Variants in DMAC2L observed in about 807,000 individuals in gnomAD.
The protein encoded by DMAC2L is ATP synthase subunit s, mitochondrial.
Under a neutral mutation model 22.5 loss-of-function variants are expected in DMAC2L, and 21 were observed. The observed-to-expected ratio is 0.93, with a 90% CI of 0.66 to 1.34. The LOEUF (loss-of-function observed/expected upper bound fraction) is 1.34. Among genes scored for constraint, DMAC2L ranks in the 40% most tolerant of loss-of-function variants. DMAC2L has a pLI of 0.00. For synonymous variants in DMAC2L, 86 were observed against 89.5 expected (o/e 0.96, Z 0.22); for missense variants, 239 against 246.5 (o/e 0.97, Z 0.20).
At chr14:50,321,397 G>A in intron 2 of DMAC2L, 86 bp from the exon 3 acceptor site, 1 of 1,551,782 alleles carries the variant, frequency 6.4e-7, no homozygotes, top group Non-Finnish European at 8.7e-7. Flanking sequence ...AGCTTTATCA[G>A]TACAAGAGCA....
chr14:50,323,390 CTTTT>C (rs10609243), intron 4 of DMAC2L, among the ~76,000 whole-genome samples: 46,631 of 92,288 alleles, frequency 0.51, 10,932 homozygotes, highest in East Asian at 0.58. Flanking sequence ...CACCCGGCCT[CTTTT>C]TTTTTTTTTT....
chr14:50,321,397 G>C, intron 2 of DMAC2L, 86 bp from the exon 3 acceptor site: 2 of 1,551,784 alleles, frequency 1.3e-6, no homozygotes, highest in Admixed American at 1.9e-5. Context: ...AGCTTTATCA[G>C]TACAAGAGCA....
upstream of DMAC2L, chr14:50,311,988 G>C: frequency 6.4e-7 from 1 of 1,550,574 alleles, no homozygotes; most frequent in Non-Finnish European, 8.7e-7. Flanking sequence ...CGCAGGCGGC[G>C]GGGAGGACCA....
chr14:50,315,682 AAAAAAAAG>A (rs1279367043), intron 2 of DMAC2L, among the ~76,000 whole-genome samples: 2 of 151,598 alleles, frequency 1.3e-5, no homozygotes, highest in African/African-American at 4.8e-5. Flanking sequence ...AAAAAAAAAA[AAAAAAAAG>A]AGTAATAAAT....
rs139958711 is a variant in DMAC2L, at chr14:50,322,572, C to T, written c.169C>T (p.Arg57Cys). The change falls in exon 4 of 6, where the codon CGC (arginine) becomes TGC (cysteine). Residue 57 changes from arginine (R) to cysteine (C), a missense_variant. Arg to Cys is a radical substitution (Grantham distance 180, BLOSUM62 -3). Coordinates refer to ENST00000557421, the MANE Select transcript of DMAC2L (RefSeq NM_001382507.1). ...PDRAASEWLL[R>C]CGAMVRYHGQ... Reference sequence around the variant, plus strand: ...CAGGGCGGCATCCGAGTGGTTGCTGCGCTGTGGGGCCATGGTGCGCTACCA... The same window carrying T: ...CAGGGCGGCATCCGAGTGGTTGCTGTGCTGTGGGGCCATGGTGCGCTACCA... The T allele has an allele frequency of 4.8e-5, 77 of 1,614,130 alleles. No homozygotes were observed. The African/African-American group carries it at 6.3e-4, about 13-fold the overall frequency.
chr14:50,326,399 G>A lies in DMAC2L; in HGVS notation c.*676G>A. 1.1e-6 allele frequency: 1 copy of A among 950,684 alleles called. No homozygotes were observed. Among genetic ancestry groups the A allele is most frequent in the Non-Finnish European group, 1.3e-6 (1 of 798,466 alleles). 58.9% of individuals were successfully genotyped at this position (950,684 alleles called of 1,614,324 possible). Reference sequence around the variant, plus strand: ...TAATTTACATTTAACTTTAAAGTTAGTGAAGCATACTACCATAAATGCACA... The same window carrying A: ...TAATTTACATTTAACTTTAAAGTTAATGAAGCATACTACCATAAATGCACA... On this transcript the variant is annotated 3_prime_UTR_variant, in exon 6 of 6. Coordinates refer to ENST00000557421, the MANE Select transcript of DMAC2L (RefSeq NM_001382507.1).
At position 50,325,630 on chromosome 14, in the gene DMAC2L, A is replaced by C. The variant is rs1456903675; in HGVS notation, c.510A>C (p.Leu170Phe). ...GCAGAAACCTCAAATATTTGTTGTT[A>C]AGTGATCTTCCTGGAGTAAGAGAAA... is the stretch of plus-strand genomic sequence containing the variant. ...RHLRNLKYLLLSDLPGVREKE... is the reference protein window; with the variant it reads ...RHLRNLKYLLFSDLPGVREKE... The change falls in exon 6 of 6, where the codon TTA becomes TTC. Residue 170 changes from leucine (L) to phenylalanine (F), a missense_variant. Coordinates refer to ENST00000557421, the MANE Select transcript of DMAC2L (RefSeq NM_001382507.1). 6.2e-7 allele frequency: 1 copy of C among 1,611,096 alleles called. No individual in the cohort carries two copies.
rs184884682 is a variant in DMAC2L at position 50,315,977 on chromosome 14, T to C, written c.-6+1351T>C. 3.8e-4 allele frequency among the ~76,000 whole-genome samples: 58 copies of C among 152,310 alleles called. 1 individual carries two copies. The East Asian group carries it at 0.011, about 28-fold the overall frequency. On this transcript the variant is annotated intron_variant, in intron 2 of 5. Transcript: ENST00000557421. ...GTTCTAATTTTAGTTATTTAAGGAA[T>C]CTCCACACTGTTTTCCATAGTGGTT...
In DMAC2L at chr14:50,322,511, G is replaced by T; in HGVS notation, c.108G>T (p.Lys36Asn). The T allele has an allele frequency of 6.3e-7, 1 of 1,597,374 alleles. No individual in the cohort carries two copies. The highest frequency in any genetic ancestry group is 2.3e-5 in the East Asian group (1 of 44,440). The change falls in exon 4 of 6, where the codon AAG becomes AAT. Residue 36 changes from lysine to asparagine, a missense_variant and splice_region_variant. Coordinates refer to ENST00000557421, the MANE Select transcript of DMAC2L (RefSeq NM_001382507.1). Reference sequence around the variant, plus strand: ...ACTGCTTTTTTTCTCTTGCCAACAGGGTGGATTATGATCGCATCAGGGATG... The same window carrying T: ...ACTGCTTTTTTTCTCTTGCCAACAGTGTGGATTATGATCGCATCAGGGATG... Reference protein sequence around the residue: ...FWGWLNAVFNKVDYDRIRDVG... With the variant: ...FWGWLNAVFNNVDYDRIRDVG...
At chr14:50,315,402 G>A (rs1307636722) in intron 2 of DMAC2L, among the ~76,000 whole-genome samples, 6 of 151,268 alleles carry the variant, frequency 4.0e-5, no homozygotes, top group Non-Finnish European at 8.8e-5. Flanking sequence ...AGTGGCTCAC[G>A]CCTGTAATCC....
Position 50,322,695 on chromosome 14 carries a change from A to G in DMAC2L, c.292A>G (p.Met98Val), listed in dbSNP as rs969108443. The change falls in exon 4 of 6, where the codon ATG becomes GTG. Residue 98 changes from methionine (M) to valine (V), a missense_variant. By Grantham distance (21) the Met-to-Val change is conservative (BLOSUM62 1). Transcript: ENST00000557421. ...GATCGACGCCACCGACTCTTGTATC[A>G]TGAGCATTGGATTTGATCACATGGG... Reference protein sequence around the residue: ...QAIDATDSCIMSIGFDHMEGL... With the variant: ...QAIDATDSCIVSIGFDHMEGL... 68 of 1,614,092 alleles carry G rather than the reference A, an allele frequency of 4.2e-5. No individual in the cohort carries two copies. The highest frequency in any genetic ancestry group is 5.8e-5 in the Non-Finnish European group (68 of 1,180,048).
rs375971812 is a variant in DMAC2L, at chr14:50,326,301, A to G, written c.*578A>G. 36 of 498,818 alleles carry G rather than the reference A, an allele frequency of 7.2e-5. No individual in the cohort carries two copies. Among genetic ancestry groups the G allele is most frequent in the African/African-American group, 6.3e-4 (30 of 47,892 alleles). The allele number at this position is 498,818 out of a possible 1,614,324, so 30.9% of individuals were successfully genotyped here. A position where few individuals can be genotyped will look rare whatever the true frequency, so the allele number is the denominator to read the frequency against. On this transcript the variant is annotated 3_prime_UTR_variant, in exon 6 of 6. Transcript: ENST00000557421. Reference sequence around the variant, plus strand: ...ATATATTCATTTAATATGTAAATCTATAGATATCTCTTGATGTAGATATTT... The same window carrying G: ...ATATATTCATTTAATATGTAAATCTGTAGATATCTCTTGATGTAGATATTT...
intron 1 of DMAC2L, chr14:50,312,782 C>T: frequency 1.9e-6 from 1 of 527,400 alleles, no homozygotes; most frequent in Non-Finnish European, 3.4e-6. Flanking sequence ...CCCTAATCCT[C>T]GCTCCTCACG....
chr14:50,322,601 C>G lies in DMAC2L; in HGVS notation c.198C>G (p.Gly66=). ...LRCGAMVRYH[G]QERWQKDYNH... Reference sequence around the variant, plus strand: ...GTGGGGCCATGGTGCGCTACCATGGCCAGGAGAGGTGGCAGAAGGACTACA... The same window carrying G: ...GTGGGGCCATGGTGCGCTACCATGGGCAGGAGAGGTGGCAGAAGGACTACA... Residue 66 remains glycine (G), a synonymous_variant, in exon 4 of 6, where the codon GGC becomes GGG. Transcript: ENST00000557421. The G allele has an allele frequency of 6.2e-7, 1 of 1,614,076 alleles. No homozygotes were observed. The highest frequency in any genetic ancestry group is 1.6e-4 in the Middle Eastern group (1 of 6,062).
chr14:50,321,364 T>A, intron 2 of DMAC2L, 119 bp from the exon 3 acceptor site: 6 of 1,405,932 alleles, frequency 4.3e-6, no homozygotes, highest in South Asian at 1.7e-5. Flanking sequence ...GCTCAGTAAT[T>A]GTTGAGTGGC....
intron 4 of DMAC2L, chr14:50,323,105 A>G: frequency 1.3e-6 from 1 of 760,884 alleles, no homozygotes; most frequent in Non-Finnish European, 1.5e-6. Context: ...TTTTTTTTTG[A>G]GACAGAGTCT....
intron 2 of DMAC2L, among the ~76,000 whole-genome samples, chr14:50,318,460 A>G (rs2031997315): frequency 6.6e-6 from 1 of 152,262 alleles, no homozygotes; most frequent in Non-Finnish European, 1.5e-5. Context: ...ATGGGCCAAA[A>G]TGAATCAAGC....
chr14:50,316,156 AT>A (rs1235879641), intron 2 of DMAC2L, among the ~76,000 whole-genome samples: 4 of 152,066 alleles, frequency 2.6e-5, no homozygotes, highest in Middle Eastern at 3.4e-3. Flanking sequence ...TTTCCTGATG[AT>A]TAGTGATGTT....
At chr14:50,318,795 C>G (rs1436688712) in intron 2 of DMAC2L, among the ~76,000 whole-genome samples, 2 of 152,154 alleles carry the variant, frequency 1.3e-5, no homozygotes, top group East Asian at 3.8e-4. Flanking sequence ...ACTCCCTTCT[C>G]TAGATTCTCA....
Sources: allele counts gnomAD v4.1 joint callset (sites outside exome capture counted in the v4.1 genomes callset), GRCh38; gene constraint gnomAD v4.1.1; transcripts MANE v1.5; gene names NCBI Gene and HGNC (gene_info 2026-07-23, HGNC 2026-07-21).